The following KITLG variants were observed in gnomAD, a reference collection of about 807,000 sequenced individuals.
KITLG encodes the protein KIT ligand, also known as c-Kit ligand.
KITLG carries 13 observed loss-of-function variants against 34.1 expected under a neutral mutation model. The ratio of observed to expected loss-of-function variants is 0.38; its 90% CI spans 0.25 to 0.61. The LOEUF (loss-of-function observed/expected upper bound fraction) is 0.61, where lower values mean the gene tolerates loss of function less well. Among genes scored for constraint, KITLG ranks in the 20% least tolerant of loss-of-function variants. KITLG has a pLI of 0.60. For synonymous variants in KITLG, 110 were observed against 104.0 expected, an observed-to-expected ratio of 1.06 and a Z score of -0.35; for missense variants, 292 against 318.9, an observed-to-expected ratio of 0.92 and a Z score of 0.64.
At chr12:88,575,862 A>G (rs567704212) in intron 1 of KITLG, among the ~76,000 whole-genome samples, 4 of 152,296 alleles carry the variant, frequency 2.6e-5, no homozygotes, top group African/African-American at 9.6e-5. Flanking sequence ...AATTTACAAA[A>G]GGGAACATTA....
At chr12:88,573,472 C>T (rs1245675262) in intron 1 of KITLG, among the ~76,000 whole-genome samples, 1 of 152,164 alleles carries the variant, frequency 6.6e-6, no homozygotes, top group South Asian at 2.1e-4. Context: ...TGGTTCACTG[C>T]CACTCAAATA....
chr12:88,543,676 C>T (rs1270163377), intron 2 of KITLG, among the ~76,000 whole-genome samples: 1 of 152,140 alleles, frequency 6.6e-6, no homozygotes, highest in East Asian at 1.9e-4. Context: ...ATCTACTTTG[C>T]TTTCCCCGCC....
intron 9 of KITLG, among the ~76,000 whole-genome samples, chr12:88,501,168 C>CTT (rs1253950412): frequency 6.6e-6 from 1 of 151,612 alleles, no homozygotes; most frequent in Admixed American, 6.6e-5. Context: ...AGATATTAAA[C>CTT]CCTCCTTCTT....
intron 2 of KITLG, among the ~76,000 whole-genome samples, chr12:88,537,296 A>C (rs549210244): frequency 2.0e-5 from 3 of 151,114 alleles, no homozygotes; most frequent in Admixed American, 1.3e-4. Context: ...TGCAGCCACA[A>C]AAAAAAACAA....
At chr12:88,544,861 C>T (rs973473337) in intron 2 of KITLG, among the ~76,000 whole-genome samples, 1 of 152,154 alleles carries the variant, frequency 6.6e-6, no homozygotes, top group Non-Finnish European at 1.5e-5. Context: ...GCCCCTTCTA[C>T]TCCTTATCCC....
At position 88,493,586 on chromosome 12, in the gene KITLG, A is replaced by G. The variant is rs1221679892; in HGVS notation, c.*3633T>C. The G allele has an allele frequency of 2.0e-5, 3 of 151,970 alleles. No individual in the cohort carries two copies. Among genetic ancestry groups the G allele is most frequent in the Non-Finnish European group, 4.4e-5 (3 of 67,898 alleles). The allele number at this position is 151,970 out of a possible 1,614,324, so 9.4% of individuals were successfully genotyped here. On this transcript the variant is annotated 3_prime_UTR_variant, in exon 10 of 10. Coordinates refer to ENST00000644744, the MANE Select transcript of KITLG (RefSeq NM_000899.5). ...TAAGCTGGTTTACTTTAGATTTCTT[A>G]TCCCACTTTCCAATTTTAAAGTGTA...
At chr12:88,565,285 A>G (rs530612197) in intron 1 of KITLG, among the ~76,000 whole-genome samples, 11 of 152,298 alleles carry the variant, frequency 7.2e-5, no homozygotes, top group African/African-American at 2.6e-4. Context: ...CTGGGAAGGA[A>G]GAATCCATTT....
intron 1 of KITLG, among the ~76,000 whole-genome samples, chr12:88,548,462 A>T (rs2120918677): frequency 6.6e-6 from 1 of 152,158 alleles, no homozygotes; most frequent in African/African-American, 2.4e-5. Context: ...ACCAAAAAAA[A>T]AAAAAGTTAG....
chr12:88,520,343 T>C (rs1869612215), intron 3 of KITLG, among the ~76,000 whole-genome samples: 1 of 152,236 alleles, frequency 6.6e-6, no homozygotes, highest in Non-Finnish European at 1.5e-5. Flanking sequence ...TTCTTTCCTT[T>C]TAGGGAGTGA....
chr12:88,505,810 A>G (rs1052342710), intron 8 of KITLG, among the ~76,000 whole-genome samples: 4 of 152,234 alleles, frequency 2.6e-5, no homozygotes, highest in Admixed American at 1.3e-4. Context: ...CAGGGTTTAC[A>G]GAAGAGTGTG....
At chr12:88,520,084 AT>A (rs1344732883) in intron 3 of KITLG, among the ~76,000 whole-genome samples, 6 of 152,178 alleles carry the variant, frequency 3.9e-5, no homozygotes, top group Non-Finnish European at 5.9e-5. Flanking sequence ...AACTTTTAGG[AT>A]TGTTGGCTCT....
At chr12:88,529,296 C>A (rs752024183) in intron 3 of KITLG, among the ~76,000 whole-genome samples, 9 of 152,128 alleles carry the variant, frequency 5.9e-5, no homozygotes, top group Non-Finnish European at 1.3e-4. Flanking sequence ...TCTACAATAA[C>A]ATTACCAGTA....
Position 88,574,049 on chromosome 12 carries a change from A to G in KITLG, c.15+6215T>C, listed in dbSNP as rs546824021. Reference sequence around the variant, plus strand: ...TGAATTTCTGCATCCAAATATCCCAATAATAGCCATTGCTACTTTTTTTTT... The same window carrying G: ...TGAATTTCTGCATCCAAATATCCCAGTAATAGCCATTGCTACTTTTTTTTT... On this transcript the variant is annotated intron_variant, in intron 1 of 9. Coordinates refer to ENST00000644744, the MANE Select transcript of KITLG (RefSeq NM_000899.5). 4.1e-5 allele frequency among the ~76,000 whole-genome samples: 6 copies of G among 146,842 alleles called. No individual in the cohort carries two copies. The South Asian group carries it at 1.1e-3, about 28-fold the overall frequency.
At chr12:88,567,542 G>A (rs1156605209) in intron 1 of KITLG, among the ~76,000 whole-genome samples, 5 of 152,144 alleles carry the variant, frequency 3.3e-5, no homozygotes, top group African/African-American at 7.2e-5. Context: ...GATGAATCTG[G>A]ACAACCAAGC....
At chr12:88,573,401 G>A (rs1030725140) in intron 1 of KITLG, among the ~76,000 whole-genome samples, 1 of 152,140 alleles carries the variant, frequency 6.6e-6, no homozygotes, top group African/African-American at 2.4e-5. Context: ...GCACTGTAGG[G>A]CCCTAAGAGG....
intron 2 of KITLG, among the ~76,000 whole-genome samples, chr12:88,535,492 A>C (rs1870277934): frequency 6.6e-6 from 1 of 152,166 alleles, no homozygotes; most frequent in South Asian, 2.1e-4. Flanking sequence ...AGGTACACGC[A>C]TTAGGAGTAA....
intron 2 of KITLG, among the ~76,000 whole-genome samples, chr12:88,536,400 G>C (rs147568504): frequency 6.6e-6 from 1 of 152,252 alleles, no homozygotes; most frequent in East Asian, 1.9e-4. Context: ...GTGTAAATTA[G>C]TTCAACCATT....
intron 1 of KITLG, among the ~76,000 whole-genome samples, chr12:88,552,543 G>A (rs1592580892): frequency 6.6e-6 from 1 of 152,032 alleles, no homozygotes; most frequent in Non-Finnish European, 1.5e-5. Flanking sequence ...ATAAAACACA[G>A]CTCAATTGAA....
intron 1 of KITLG, among the ~76,000 whole-genome samples, chr12:88,550,547 C>A (rs1870860480): frequency 6.6e-6 from 1 of 152,154 alleles, no homozygotes; most frequent in Non-Finnish European, 1.5e-5. Flanking sequence ...TACTATACAC[C>A]AAGCATCTTG....
Sources: gnomAD v4.1 joint callset for allele counts (sites outside exome capture counted in the v4.1 genomes callset) on GRCh38, gnomAD v4.1.1 for gene constraint, MANE v1.5 for transcripts, NCBI Gene and HGNC (gene_info 2026-07-23, HGNC 2026-07-21) for gene names.